Variants in DNM2 observed in about 807,000 individuals in gnomAD.
DNM2 encodes the protein dynamin-2.
Under a neutral mutation model 99.0 loss-of-function variants are expected in DNM2, and 15 were observed. The observed-to-expected ratio is 0.15, with a 90% CI of 0.10 to 0.23. The LOEUF (loss-of-function observed/expected upper bound fraction) is 0.23, where lower values mean the gene tolerates loss of function less well. DNM2 is among the 10% of genes least tolerant of loss of function. DNM2 has a pLI of 1.00. For missense variants in DNM2, 742 were observed against 1,189.4 expected (o/e 0.62, Z 5.53); for synonymous variants, 525 against 481.2 (o/e 1.09, Z -1.19).
At chr19:10,720,220 T>A (rs181330946) in intron 1 of DNM2, among the ~76,000 whole-genome samples, 8,249 of 135,074 alleles carry the variant, frequency 0.061, 292 homozygotes, top group African/African-American at 0.1. Flanking sequence ...TTATTTATTT[T>A]TTTTTTTTTT....
At chr19:10,776,551 C>A (rs149327288) in intron 4 of DNM2, among the ~76,000 whole-genome samples, 1,540 of 152,304 alleles carry the variant, frequency 0.01, 12 homozygotes, top group Non-Finnish European at 0.018. Flanking sequence ...ATAACACACA[C>A]GGTTAGCACA....
chr19:10,779,372 C>T (rs1346824932), intron 5 of DNM2, among the ~76,000 whole-genome samples: 1 of 151,874 alleles, frequency 6.6e-6, no homozygotes, highest in African/African-American at 2.4e-5. Flanking sequence ...CCCAGCAGAG[C>T]GGTGCATTTG....
chr19:10,751,543 T>A (rs564893789), intron 1 of DNM2, among the ~76,000 whole-genome samples: 26 of 152,228 alleles, frequency 1.7e-4, no homozygotes, highest in African/African-American at 5.5e-4. Context: ...AGAAAACCCT[T>A]AGGGCCAGGC....
Position 10,764,375 on chromosome 19 carries a change from C to T in DNM2, c.235+4564C>T, listed in dbSNP as rs2070729624. 6.6e-6 allele frequency among the ~76,000 whole-genome samples: 1 copy of T among 152,224 alleles called. No individual in the cohort carries two copies. The highest frequency in any genetic ancestry group is 2.4e-5 in the African/African-American group (1 of 41,456). On this transcript the variant is annotated intron_variant, in intron 2 of 20. Transcript: ENST00000389253. This position sits in a 1 kb window ranked among gnomAD's most constrained non-coding sequence, Gnocchi z 4.1. ...CGCAGCCCACGTTCCCCTCTGGTTC[C>T]CGCAGCTTGCCCTCATTCCAGCCAT...
intron 2 of DNM2, among the ~76,000 whole-genome samples, chr19:10,766,873 G>C (rs2070814390): frequency 6.6e-6 from 1 of 152,110 alleles, no homozygotes; most frequent in African/African-American, 2.4e-5. Context: ...AGTCCCCAGG[G>C]CCTGATCACA....
rs1469980344 is a variant in DNM2 at position 10,816,071 on chromosome 19, C to A, written c.1671+3694C>A. Among the ~76,000 whole-genome samples, 2 of 152,122 alleles carry A rather than the reference C, an allele frequency of 1.3e-5. No homozygotes were observed. Among genetic ancestry groups the A allele is most frequent in the Non-Finnish European group, 2.9e-5 (2 of 67,990 alleles). On this transcript the variant is annotated intron_variant, in intron 15 of 20. Transcript: ENST00000389253. This position sits in a 1 kb window ranked among gnomAD's most constrained non-coding sequence, Gnocchi z 4.6. The stretch of plus-strand genomic sequence containing the variant: ...ATTCGGGTGGCTCTGTGGTCACCCC[C>A]ATCTAAGGCTCTGAGCGGTGACTTG...
intron 1 of DNM2, chr19:10,718,626 C>A: frequency 1.8e-6 from 1 of 567,972 alleles, no homozygotes; most frequent in Non-Finnish European, 2.5e-6. Flanking sequence ...TGTCACGGGC[C>A]AGGGCGCCGT....
chr19:10,720,216 A>ATTTTTTT (rs778787809), intron 1 of DNM2, among the ~76,000 whole-genome samples: 1 of 140,674 alleles, frequency 7.1e-6, no homozygotes, highest in Non-Finnish European at 1.6e-5. Context: ...TTATTTATTT[A>ATTTTTTT]TTTTTTTTTT....
At chr19:10,754,588 G>T (rs965337707) in intron 1 of DNM2, among the ~76,000 whole-genome samples, 1 of 149,202 alleles carries the variant, frequency 6.7e-6, no homozygotes, top group Non-Finnish European at 1.5e-5. Context: ...TGATTTTCTT[G>T]TCTTCTTCTT....
Position 10,754,007 on chromosome 19 carries a change from CAT to C in DNM2, c.162-5728_162-5727del, listed in dbSNP as rs529515509. ...AAAATATATGTTTTCAAAAAGAAAA[CAT>C]ATTTTCAGTCAGCTTCCTTAGGTTG... is the stretch of plus-strand genomic sequence containing the variant. On this transcript the variant is annotated intron_variant, in intron 1 of 20. Transcript: ENST00000389253. Among the ~76,000 whole-genome samples, 6 of 152,154 alleles carry C rather than the reference CAT, an allele frequency of 3.9e-5. No individual in the cohort carries two copies. The South Asian group carries it at 1.0e-3, about 26-fold the overall frequency.
At chr19:10,819,882 C>G in intron 15 of DNM2, 98 bp from the exon 16 acceptor site, 1 of 1,115,650 alleles carries the variant, frequency 9.0e-7, no homozygotes, top group Non-Finnish European at 1.4e-6. Flanking sequence ...TTGAGAAGCC[C>G]CCGGGGCTGG....
At chr19:10,757,506 GAATGATTGT>G (rs1217324676) in intron 1 of DNM2, among the ~76,000 whole-genome samples, 2 of 152,194 alleles carry the variant, frequency 1.3e-5, no homozygotes, top group African/African-American at 4.8e-5. Context: ...TGCCAGCTGG[GAATGATTGT>G]AGTGCTAGTG....
At chr19:10,803,032 G>C (rs996681573) in intron 12 of DNM2, among the ~76,000 whole-genome samples, 1 of 152,160 alleles carries the variant, frequency 6.6e-6, no homozygotes. Context: ...CTCTCGCTGG[G>C]CCCTGTGATA....
At chr19:10,740,835 G>A (rs2069719335) in intron 1 of DNM2, among the ~76,000 whole-genome samples, 1 of 152,034 alleles carries the variant, frequency 6.6e-6, no homozygotes, top group African/African-American at 2.4e-5. Flanking sequence ...TGATACATAG[G>A]TTATTTAGCA....
chr19:10,824,904 C>G (rs1422166597), intron 17 of DNM2, 153 bp from the exon 18 acceptor site: 1 of 1,245,170 alleles, frequency 8.0e-7, no homozygotes, highest in African/African-American at 1.5e-5. Flanking sequence ...GCAGCTCTGG[C>G]CCAGGGCAAG....
chr19:10,729,128 G>A (rs1243793362), intron 1 of DNM2, among the ~76,000 whole-genome samples: 1 of 93,794 alleles, frequency 1.1e-5, no homozygotes, highest in Non-Finnish European at 2.0e-5. Context: ...TCGCACCACT[G>A]CACTCCAGCC....
rs751885259 is a variant in DNM2, at chr19:10,786,719, G to A, written c.992+13G>A. The A allele has an allele frequency of 1.8e-5, 29 of 1,613,720 alleles. No homozygotes were observed. The South Asian group carries it at 3.0e-4, about 16-fold the overall frequency. On this transcript the variant is annotated intron_variant, in intron 7 of 20. Transcript: ENST00000389253. Reference sequence around the variant, plus strand: ...AAGCCCTGCTGCAGTATGTACCCCGGCACCCACCACCACCACCACCCTGGC... The same window carrying A: ...AAGCCCTGCTGCAGTATGTACCCCGACACCCACCACCACCACCACCCTGGC...
At chr19:10,731,059 G>A (rs569403988) in intron 1 of DNM2, among the ~76,000 whole-genome samples, 1 of 152,132 alleles carries the variant, frequency 6.6e-6, no homozygotes. Flanking sequence ...AGCTTCTCAG[G>A]GCTGCGATCC....
intron 1 of DNM2, among the ~76,000 whole-genome samples, chr19:10,751,940 A>G (rs553094799): frequency 6.6e-6 from 1 of 152,372 alleles, no homozygotes; most frequent in African/African-American, 2.4e-5. Flanking sequence ...CACCTGAACA[A>G]AGGGACACGA....
Sources: allele counts gnomAD v4.1 joint callset (sites outside exome capture counted in the v4.1 genomes callset), GRCh38; gene constraint gnomAD v4.1.1; non-coding constraint Gnocchi (gnomAD v3.1); transcripts MANE v1.5; gene names NCBI Gene and HGNC (gene_info 2026-07-23, HGNC 2026-07-21).